FBLN7: variants seen among roughly 807,000 people sequenced by gnomAD.
The protein encoded by FBLN7 is fibulin 7.
FBLN7 carries 31 observed loss-of-function variants against 44.0 expected under a neutral mutation model. The observed-to-expected ratio is 0.70, with a 90% CI of 0.53 to 0.95. The LOEUF (loss-of-function observed/expected upper bound fraction) is 0.95. FBLN7 is among the 40% of genes least tolerant of loss of function. FBLN7 has a pLI of 0.00. For synonymous variants in FBLN7, 262 were observed against 253.4 expected, an observed-to-expected ratio of 1.03 and a Z score of -0.32; for missense variants, 573 against 618.5, an observed-to-expected ratio of 0.93 and a Z score of 0.78.
chr2:112,228,628 T>C, the FBLN7 span, among the ~76,000 whole-genome samples: 56 of 151,890 alleles, frequency 3.7e-4, no homozygotes, highest in South Asian at 0.011. Flanking sequence ...GAGCTAAAAC[T>C]AGAAAATTTT....
chr2:112,233,242 T>C, the FBLN7 span: 15 of 1,373,518 alleles, frequency 1.1e-5, no homozygotes, highest in African/African-American at 1.3e-4. Context: ...AGTCACCATA[T>C]CTTGTGATAA....
the FBLN7 span, chr2:112,236,413 G>T: frequency 1.0e-6 from 1 of 988,082 alleles, no homozygotes; most frequent in Non-Finnish European, 1.4e-6. Context: ...AGAACCCAGT[G>T]ACAGTAAAAG....
At chr2:112,238,241 C>G in the FBLN7 span, 1 of 1,433,366 alleles carries the variant, frequency 7.0e-7, no homozygotes, top group East Asian at 2.3e-5. Context: ...AAAGAAAAAT[C>G]CTCTGTCCGT....
At chr2:112,163,723 G>GTC (rs202187327) in intron 2 of FBLN7, among the ~76,000 whole-genome samples, 3,497 of 152,298 alleles carry the variant, frequency 0.023, 54 homozygotes, top group Middle Eastern at 0.041. Context: ...GCTGCTGAGA[G>GTC]AGACCTCCAG....
At chr2:112,156,696 G>A (rs1453306376) in intron 1 of FBLN7, among the ~76,000 whole-genome samples, 1 of 152,192 alleles carries the variant, frequency 6.6e-6, no homozygotes, top group Admixed American at 6.5e-5. Context: ...CTTCTCTTCC[G>A]AGCAATTGCG....
At chr2:112,181,078 C>T (rs1460316950) in intron 4 of FBLN7, among the ~76,000 whole-genome samples, 1 of 151,944 alleles carries the variant, frequency 6.6e-6, no homozygotes, top group Non-Finnish European at 1.5e-5. Context: ...GGCAAACTAA[C>T]ATAGGAACAG....
At chr2:112,162,309 C>T (rs1023096448) in intron 2 of FBLN7, among the ~76,000 whole-genome samples, 2 of 150,184 alleles carry the variant, frequency 1.3e-5, no homozygotes, top group South Asian at 2.1e-4. Flanking sequence ...TGTGCCAGGC[C>T]TGTTTTGCCT....
Position 112,175,719 on chromosome 2 carries a change from A to C in FBLN7, c.412A>C (p.Ser138Arg). The change falls in exon 4 of 8, where the codon AGT (serine) becomes CGT (arginine). Residue 138 changes from serine to arginine, a missense_variant. Coordinates refer to ENST00000331203, the MANE Select transcript of FBLN7 (RefSeq NM_153214.3). ...AAAATTATTTATCTTCCTAGGTATC[A>C]GTGAATGCTCCAGCCAGCCTTGTCA... ...TGEQPHCRGISECSSQPCQNG... is the reference protein window; with the variant it reads ...TGEQPHCRGIRECSSQPCQNG... 6.2e-7 allele frequency: 1 copy of C among 1,614,198 alleles called. No individual in the cohort carries two copies. The highest frequency in any genetic ancestry group is 8.5e-7 in the Non-Finnish European group (1 of 1,180,014).
chr2:112,206,043 GTCT>G, the FBLN7 span, among the ~76,000 whole-genome samples: 1 of 152,120 alleles, frequency 6.6e-6, no homozygotes, highest in Non-Finnish European at 1.5e-5. Context: ...TGACTTCAAC[GTCT>G]TCAATAGTTA....
chr2:112,203,035 CAAAA>C, the FBLN7 span, among the ~76,000 whole-genome samples: 1 of 152,010 alleles, frequency 6.6e-6, no homozygotes, highest in African/African-American at 2.4e-5. Flanking sequence ...GAGCAAAAAA[CAAAA>C]ACAAACAAAC....
chr2:112,148,968 T>C (rs1681013772), intron 1 of FBLN7, among the ~76,000 whole-genome samples: 1 of 152,202 alleles, frequency 6.6e-6, no homozygotes, highest in Admixed American at 6.5e-5. Context: ...GCATATGGCG[T>C]TGGCACAGGG....
At chr2:112,231,601 T>C in the FBLN7 span, among the ~76,000 whole-genome samples, 1 of 152,200 alleles carries the variant, frequency 6.6e-6, no homozygotes, top group Non-Finnish European at 1.5e-5. Flanking sequence ...CTAATTATAC[T>C]GAAGATTTTA....
the FBLN7 span, among the ~76,000 whole-genome samples, chr2:112,243,628 T>G: frequency 1.3e-5 from 2 of 152,178 alleles, no homozygotes; most frequent in African/African-American, 2.4e-5. Context: ...AAACAATTAT[T>G]ATTATGTACT....
Position 112,182,845 on chromosome 2 carries a change from A to G in FBLN7, c.725A>G (p.His242Arg). 2 of 1,612,734 alleles carry G rather than the reference A, an allele frequency of 1.2e-6. No individual in the cohort carries two copies. Among genetic ancestry groups the G allele is most frequent in the Middle Eastern group, 1.7e-4 (1 of 6,056 alleles). ...GQEGRPRLCM[H>R]ACVNTPGSYR... ...GAGGGGCGCCCCCGGCTCTGCATGC[A>G]CGCCTGCGTGAACACCCCGGGCTCT... The change falls in exon 6 of 8, where the codon CAC (histidine) becomes CGC (arginine). Residue 242 changes from histidine (H) to arginine (R), a missense_variant. Physicochemically the swap from His to Arg is conservative, Grantham distance 29. Transcript: ENST00000331203.
At chr2:112,189,767 ACCT>A (rs1259496841), downstream of FBLN7, 1 of 152,130 alleles carries the variant, frequency 6.6e-6, no homozygotes, top group Non-Finnish European at 1.5e-5. Flanking sequence ...CTATCACCCC[ACCT>A]CATGATGATT....
At chr2:112,173,418 A>C (rs1329816406) in intron 3 of FBLN7, among the ~76,000 whole-genome samples, 1 of 152,192 alleles carries the variant, frequency 6.6e-6, no homozygotes, top group Non-Finnish European at 1.5e-5. Flanking sequence ...AGGAAAGAAC[A>C]GTTTAGATAA....
chr2:112,207,090 T>A, the FBLN7 span, among the ~76,000 whole-genome samples: 1 of 152,184 alleles, frequency 6.6e-6, no homozygotes, highest in African/African-American at 2.4e-5. Flanking sequence ...TTGAATTATT[T>A]CAATACTTTT....
chr2:112,181,287 T>C (rs969275185), intron 4 of FBLN7, among the ~76,000 whole-genome samples: 2 of 152,162 alleles, frequency 1.3e-5, no homozygotes, highest in Non-Finnish European at 2.9e-5. Context: ...CGTGTTTATC[T>C]ATGTAACAAA....
At chr2:112,195,124 G>T in the FBLN7 span, among the ~76,000 whole-genome samples, 1 of 152,220 alleles carries the variant, frequency 6.6e-6, no homozygotes. Flanking sequence ...ACAAAACACA[G>T]CATTGGCCAG....
Sources: allele counts gnomAD v4.1 joint callset (sites outside exome capture counted in the v4.1 genomes callset), GRCh38; gene constraint gnomAD v4.1.1; transcripts MANE v1.5; gene names NCBI Gene and HGNC (gene_info 2026-07-23, HGNC 2026-07-21).